The following RBMS3 variants were observed in gnomAD, a reference collection of about 807,000 sequenced individuals.
The protein encoded by RBMS3 is RNA-binding motif, single-stranded-interacting protein 3.
RBMS3 carries 27 observed loss-of-function variants against 66.8 expected under a neutral mutation model. The observed-to-expected ratio is 0.40, with a 90% CI of 0.30 to 0.56. The LOEUF is 0.56. Among genes scored for constraint, RBMS3 ranks in the 20% least tolerant of loss-of-function variants. The probability of loss-of-function intolerance (pLI) is 0.40; values close to 1 mark genes in which losing one functional copy is unlikely to be tolerated. For missense variants in RBMS3, 513 were observed against 549.5 expected (o/e 0.93, Z 0.66); for synonymous variants, 188 against 183.0 (o/e 1.03, Z -0.22).
chr3:29,619,310 A>T (rs2048785222), intron 4 of RBMS3, among the ~76,000 whole-genome samples: 1 of 152,052 alleles, frequency 6.6e-6, no homozygotes, highest in Non-Finnish European at 1.5e-5. Context: ...GTTTTAGTTT[A>T]AAAAAAGAAC....
chr3:29,360,166 T>TGAGAGATCCATTGTTAGTCTGATGGGC lies in RBMS3; in HGVS notation c.76-74577_76-74576insGAGAGATCCATTGTTAGTCTGATGGGC, dbSNP rs1470812522. Among the ~76,000 whole-genome samples, 47 of 152,246 alleles carry TGAGAGATCCATTGTTAGTCTGATGGGC rather than the reference T, an allele frequency of 3.1e-4. 1 individual carries two copies. The highest frequency in any genetic ancestry group is 1.1e-3 in the African/African-American group (46 of 41,504). ...GGTGTCAATTTTAGATCTTTTCTGCTTTCTCTTGTGGGCATTTAGTGCTAT... is the reference window on the plus strand; with the variant it reads ...GGTGTCAATTTTAGATCTTTTCTGCTGAGAGATCCATTGTTAGTCTGATGGGCTTCTCTTGTGGGCATTTAGTGCTAT... On this transcript the variant is annotated intron_variant, in intron 1 of 14. Transcript: ENST00000383767.
intron 4 of RBMS3, among the ~76,000 whole-genome samples, chr3:29,681,860 G>T (rs191988331): frequency 2.0e-4 from 31 of 152,208 alleles, no homozygotes; most frequent in Non-Finnish European, 2.6e-4. Context: ...ATTTCTTTGG[G>T]TATATACCCA....
chr3:29,561,958 T>C (rs774997362), intron 3 of RBMS3, among the ~76,000 whole-genome samples: 1 of 152,178 alleles, frequency 6.6e-6, no homozygotes, highest in Non-Finnish European at 1.5e-5. Context: ...TTTGTTTTTT[T>C]AGATGCTGGA....
chr3:29,841,362 C>T (rs1249995522), intron 6 of RBMS3, among the ~76,000 whole-genome samples: 1 of 151,944 alleles, frequency 6.6e-6, no homozygotes, highest in Non-Finnish European at 1.5e-5. Context: ...GACTATGCCT[C>T]TTTTCTACGT....
At chr3:29,536,162 G>T (rs1249740077) in intron 3 of RBMS3, among the ~76,000 whole-genome samples, 1 of 152,128 alleles carries the variant, frequency 6.6e-6, no homozygotes, top group African/African-American at 2.4e-5. Context: ...AGTAAAAAAT[G>T]TCTGGGAAAG....
chr3:29,526,623 A>G (rs1265170435), intron 3 of RBMS3, among the ~76,000 whole-genome samples: 2 of 139,938 alleles, frequency 1.4e-5, no homozygotes, highest in Admixed American at 7.6e-5. Flanking sequence ...TCTGAGAGGG[A>G]TTTTAGAGCC....
chr3:29,537,504 C>G, intron 3 of RBMS3: 1 of 152,106 alleles, frequency 6.6e-6, no homozygotes, highest in East Asian at 1.9e-4. Flanking sequence ...GCCATTGTCA[C>G]AGGAACCAAT....
At chr3:29,938,927 C>T (rs1334008199) in intron 11 of RBMS3, among the ~76,000 whole-genome samples, 2 of 151,922 alleles carry the variant, frequency 1.3e-5, no homozygotes, top group African/African-American at 4.8e-5. Context: ...AATGAAATGA[C>T]AATATGCAGC....
At chr3:29,876,378 A>T (rs7648332) in intron 7 of RBMS3, among the ~76,000 whole-genome samples, 1 of 151,946 alleles carries the variant, frequency 6.6e-6, no homozygotes, top group Non-Finnish European at 1.5e-5. Flanking sequence ...CTAACAAAAT[A>T]GGAAAAAAAA....
chr3:29,701,496 C>CCTG (rs1270422943), intron 4 of RBMS3, among the ~76,000 whole-genome samples: 10 of 152,132 alleles, frequency 6.6e-5, no homozygotes, highest in Non-Finnish European at 1.3e-4. Flanking sequence ...AGCCCTTCAG[C>CCTG]CTGCTGCTGC....
intron 1 of RBMS3, among the ~76,000 whole-genome samples, chr3:29,325,701 T>C (rs1316148910): frequency 6.6e-6 from 1 of 151,992 alleles, no homozygotes; most frequent in Non-Finnish European, 1.5e-5. Context: ...ATGACTGGTA[T>C]AGTTATCCAA....
intron 4 of RBMS3, among the ~76,000 whole-genome samples, chr3:29,664,017 CATTGA>C (rs2050659249): frequency 6.6e-6 from 1 of 152,076 alleles, no homozygotes; most frequent in African/African-American, 2.4e-5. Context: ...TGAATACTAT[CATTGA>C]ATTGATATAT....
intron 12 of RBMS3, among the ~76,000 whole-genome samples, chr3:29,967,332 T>A (rs1470900760): frequency 1.3e-5 from 2 of 152,178 alleles, no homozygotes; most frequent in African/African-American, 4.8e-5. Flanking sequence ...GGATTTGTTT[T>A]TGTTTTTATT....
intron 4 of RBMS3, among the ~76,000 whole-genome samples, chr3:29,621,897 C>T (rs2048879318): frequency 6.6e-6 from 1 of 152,080 alleles, no homozygotes; most frequent in South Asian, 2.1e-4. Flanking sequence ...ATTTGGGATG[C>T]CTAATCTAGT....
Position 29,780,080 on chromosome 3 carries a change from A to G in RBMS3, c.637+17091A>G, listed in dbSNP as rs552871188. 3.9e-5 allele frequency among the ~76,000 whole-genome samples: 6 copies of G among 152,054 alleles called. 1 individual carries two copies. Among genetic ancestry groups the G allele is most frequent in the African/African-American group, 1.4e-4 (6 of 41,556 alleles). Reference sequence around the variant, plus strand: ...TTACTGAAATTCAAAGATAAAGATGAAAGGTATTTCCAAGCAGAAATAGGT... The same window carrying G: ...TTACTGAAATTCAAAGATAAAGATGGAAGGTATTTCCAAGCAGAAATAGGT... On this transcript the variant is annotated intron_variant, in intron 6 of 14. Transcript: ENST00000383767.
At chr3:29,654,662 C>T (rs563680851) in intron 4 of RBMS3, among the ~76,000 whole-genome samples, 14 of 151,466 alleles carry the variant, frequency 9.2e-5, no homozygotes, top group Middle Eastern at 3.4e-3. Context: ...GCAATCTTGG[C>T]TCACTGTATC....
At chr3:29,776,208 A>G (rs554912882) in intron 6 of RBMS3, among the ~76,000 whole-genome samples, 29 of 152,138 alleles carry the variant, frequency 1.9e-4, no homozygotes, top group African/African-American at 6.5e-4. Context: ...CCTCACGGCC[A>G]GGATCCCCTT....
chr3:29,319,432 T>C (rs2034880839), intron 1 of RBMS3, among the ~76,000 whole-genome samples: 1 of 152,004 alleles, frequency 6.6e-6, no homozygotes, highest in African/African-American at 2.4e-5. Context: ...TGCCACCTTC[T>C]TGTGAGCAAC....
intron 12 of RBMS3, among the ~76,000 whole-genome samples, chr3:29,984,615 G>T (rs1028162694): frequency 3.3e-5 from 5 of 152,034 alleles, no homozygotes; most frequent in African/African-American, 1.2e-4. Flanking sequence ...TGTCCTTTTT[G>T]TTGATGTTGA....
Sources: gnomAD v4.1 joint callset for allele counts (sites outside exome capture counted in the v4.1 genomes callset) on GRCh38, gnomAD v4.1.1 for gene constraint, MANE v1.5 for transcripts, NCBI Gene and HGNC (gene_info 2026-07-23, HGNC 2026-07-21) for gene names.